DCAF5: variants seen among roughly 807,000 people sequenced by gnomAD.
DCAF5 encodes DDB1 and CUL4 associated factor 5, also known as DDB1- and CUL4-associated factor 5.
A neutral mutation model predicts 80.7 loss-of-function variants in DCAF5; 9 were observed. The observed-to-expected ratio is 0.11, with a 90% confidence interval of 0.07 to 0.19. The LOEUF (loss-of-function observed/expected upper bound fraction) is 0.19. DCAF5 is among the 10% of genes least tolerant of loss of function. The pLI is 1.00. For synonymous variants in DCAF5, 433 were observed against 461.9 expected (o/e 0.94, Z 0.80); for missense variants, 842 against 1,205.7 (o/e 0.70, Z 4.47).
intron 5 of DCAF5, among the ~76,000 whole-genome samples, chr14:69,092,136 A>G (rs1433299769): frequency 6.6e-6 from 1 of 152,226 alleles, no homozygotes; most frequent in Non-Finnish European, 1.5e-5. Context: ...CAAGAAAAGG[A>G]TAACAAAAAC....
intron 1 of DCAF5, among the ~76,000 whole-genome samples, chr14:69,141,099 A>G (rs1325791856): frequency 7.1e-6 from 1 of 141,212 alleles, no homozygotes; most frequent in African/African-American, 2.7e-5. Flanking sequence ...ACGCCACTGC[A>G]CTCCAGCCTG....
rs143850623 is a variant in DCAF5, at chr14:69,053,890, C to T, written c.2796G>A (p.Glu932=). The change falls in exon 9 of 9, where the codon GAG becomes GAA. Residue 932 remains glutamate, a synonymous_variant. Transcript: ENST00000341516. ...TTAATTTCTTCTCTGAGGAGGAATT[C>T]TCTGAATCTGTATCTTCCAATTCAA... The part of the protein sequence containing the change: ...QRIELEDTDS[E]NSSSEKKLKT The T allele has an allele frequency of 7.0e-5, 112 of 1,606,982 alleles. No homozygotes were observed. The African/African-American group carries it at 8.8e-4, about 13-fold the overall frequency.
chr14:69,144,389 G>A (rs1303674952), intron 1 of DCAF5, among the ~76,000 whole-genome samples: 2 of 151,932 alleles, frequency 1.3e-5, no homozygotes, highest in Non-Finnish European at 2.9e-5. Flanking sequence ...TGGCTAACAC[G>A]GTGAAACCCC....
At chr14:69,137,530 C>G (rs1254422897) in intron 1 of DCAF5, among the ~76,000 whole-genome samples, 2 of 152,100 alleles carry the variant, frequency 1.3e-5, no homozygotes, top group African/African-American at 2.4e-5. Context: ...CATAATAAAG[C>G]TTTCTTGTCT....
In DCAF5 at chr14:69,051,968, C is replaced by CA. The variant is rs2037776833; in HGVS notation, c.*1888dup. 2 of 152,540 alleles carry CA rather than the reference C, an allele frequency of 1.3e-5. No individual in the cohort carries two copies. Among genetic ancestry groups the CA allele is most frequent in the African/African-American group, 4.8e-5 (2 of 41,404 alleles). 9.4% of individuals were successfully genotyped at this position (152,540 alleles called of 1,614,324 possible). ...GCATTTACAATTATCTGTGAATAGT[C>CA]AAAGACAAATCATAGAACCAATCTG... On this transcript the variant is annotated 3_prime_UTR_variant, in exon 9 of 9. Transcript: ENST00000341516.
chr14:69,139,303 T>C (rs1269911979), intron 1 of DCAF5, among the ~76,000 whole-genome samples: 2 of 151,928 alleles, frequency 1.3e-5, no homozygotes, highest in Non-Finnish European at 2.9e-5. Context: ...CTGGGCAACA[T>C]AGAGACCTTG....
At chr14:69,143,606 T>G (rs1595067381) in intron 1 of DCAF5, among the ~76,000 whole-genome samples, 2 of 147,380 alleles carry the variant, frequency 1.4e-5, no homozygotes, top group East Asian at 4.0e-4. Context: ...AGCTGAACAT[T>G]GGGCGAGGCA....
Position 69,062,316 on chromosome 14 carries a change from G to T in DCAF5, c.1074+68C>A. The T allele has an allele frequency of 5.8e-6, 9 of 1,549,678 alleles. No homozygotes were observed. In the South Asian group the frequency reaches 6.8e-5, roughly 12 times the overall value. On this transcript the variant is annotated intron_variant, in intron 8 of 8. Coordinates refer to ENST00000341516, the MANE Select transcript of DCAF5 (RefSeq NM_003861.3). ...TTAAATATGAGGTCCTACATAAATT[G>T]TTCTAGTTTCTTCTAATTATAAATT...
rs201133127 is a variant in DCAF5, at chr14:69,113,447, CAT to C, written c.665+2917_665+2918del. Among the ~76,000 whole-genome samples, 1,223 of 152,244 alleles carry C rather than the reference CAT, an allele frequency of 8.0e-3. 12 individuals carry two copies. The highest frequency in any genetic ancestry group is 0.027 in the African/African-American group (1,125 of 41,544). ...TCTACCATCCCTAGAAAAAATATGA[CAT>C]GTGTTCACTCAGATACACAAGCCAT... On this transcript the variant is annotated intron_variant, in intron 5 of 8. Transcript: ENST00000341516.
intron 2 of DCAF5, among the ~76,000 whole-genome samples, chr14:69,121,943 G>A (rs918673006): frequency 6.6e-6 from 1 of 152,152 alleles, no homozygotes; most frequent in Non-Finnish European, 1.5e-5. Flanking sequence ...GTCTGTGTGT[G>A]TTTCTGTGTA....
chr14:69,057,083 T>C (rs530390091), intron 8 of DCAF5, among the ~76,000 whole-genome samples: 1 of 152,314 alleles, frequency 6.6e-6, no homozygotes, highest in Non-Finnish European at 1.5e-5. Context: ...TCTGATTCAG[T>C]AAGTCATGAA....
intron 4 of DCAF5, among the ~76,000 whole-genome samples, chr14:69,117,471 A>C (rs1193902069): frequency 1.3e-5 from 2 of 152,212 alleles, no homozygotes; most frequent in Non-Finnish European, 1.5e-5. Flanking sequence ...TGTGATCATT[A>C]CAATCTGCAC....
intron 7 of DCAF5, among the ~76,000 whole-genome samples, chr14:69,068,327 G>A (rs80019208): frequency 1.3e-5 from 2 of 152,300 alleles, no homozygotes; most frequent in East Asian, 3.9e-4. Context: ...TGAAGTTAAA[G>A]TTATCTGCTA....
chr14:69,090,561 C>G (rs2039495659), intron 6 of DCAF5: 1 of 152,726 alleles, frequency 6.5e-6, no homozygotes, highest in East Asian at 1.9e-4. Flanking sequence ...ATTCAACAGG[C>G]ATTTATTCGG....
At chr14:69,087,296 T>A (rs773002687) in intron 6 of DCAF5, among the ~76,000 whole-genome samples, 2 of 152,132 alleles carry the variant, frequency 1.3e-5, no homozygotes, top group Non-Finnish European at 2.9e-5. Flanking sequence ...GTATGAAGCT[T>A]AGAAGACAGA....
intron 1 of DCAF5, among the ~76,000 whole-genome samples, chr14:69,141,990 T>C (rs1268905030): frequency 6.6e-6 from 1 of 152,126 alleles, no homozygotes; most frequent in Non-Finnish European, 1.5e-5. Context: ...CCGAGAGGTA[T>C]ATGATAGAAT....
At chr14:69,105,235 C>G (rs780294447) in intron 5 of DCAF5, among the ~76,000 whole-genome samples, 16 of 152,030 alleles carry the variant, frequency 1.1e-4, no homozygotes, top group Admixed American at 2.0e-4. Flanking sequence ...ATGGGACAAT[C>G]CAAACGGCTA....
intron 7 of DCAF5, among the ~76,000 whole-genome samples, chr14:69,074,415 G>A (rs1029857663): frequency 6.6e-5 from 10 of 152,154 alleles, no homozygotes; most frequent in South Asian, 2.1e-4. Context: ...AAAGGGGGGG[G>A]AAACTAAGTA....
At chr14:69,083,624 C>A in intron 6 of DCAF5, 2 of 554,480 alleles carry the variant, frequency 3.6e-6, no homozygotes, top group Non-Finnish European at 6.7e-6. Flanking sequence ...TCTCAAGAAG[C>A]AGTGGAAAAT....
Sources: allele counts gnomAD v4.1 joint callset (sites outside exome capture counted in the v4.1 genomes callset), GRCh38; gene constraint gnomAD v4.1.1; transcripts MANE v1.5; gene names NCBI Gene and HGNC (gene_info 2026-07-23, HGNC 2026-07-21).